DOCK1: variants seen among roughly 807,000 people sequenced by gnomAD.
DOCK1 encodes dedicator of cytokinesis protein 1.
A neutral mutation model predicts 262.7 loss-of-function variants in DOCK1; 138 were observed. That is an observed-to-expected ratio of 0.53 (90% CI 0.46 to 0.61). The LOEUF (loss-of-function observed/expected upper bound fraction) is 0.61, where lower values mean the gene tolerates loss of function less well. Among genes scored for constraint, DOCK1 ranks in the 20% least tolerant of loss-of-function variants. DOCK1 has a pLI of 0.00. For missense variants in DOCK1, 1,908 were observed against 2,370.7 expected (o/e 0.80, Z 4.05); for synonymous variants, 866 against 867.4 (o/e 1.00, Z 0.03).
chr10:127,135,019 A>G (rs12259111), intron 27 of DOCK1, among the ~76,000 whole-genome samples: 1,639 of 152,300 alleles, frequency 0.011, 10 homozygotes, highest in African/African-American at 0.016. Context: ...GATGTGCTCA[A>G]TGGAAGATCT....
chr10:127,337,492 A>G (rs957217471), intron 29 of DOCK1, among the ~76,000 whole-genome samples: 1 of 152,114 alleles, frequency 6.6e-6, no homozygotes, highest in Middle Eastern at 3.4e-3. Context: ...TTTTTTTCTA[A>G]TCAATTACAG....
intron 27 of DOCK1, among the ~76,000 whole-genome samples, chr10:127,161,816 G>A (rs2053615708): frequency 6.6e-6 from 1 of 152,206 alleles, no homozygotes; most frequent in African/African-American, 2.4e-5. Context: ...GAGATGGCAA[G>A]AAAGATCTGT....
At chr10:127,004,769 G>GCCCCCCCCCC (rs1285670669) in intron 10 of DOCK1, among the ~76,000 whole-genome samples, 1 of 14,274 alleles carries the variant, frequency 7.0e-5, no homozygotes, top group Non-Finnish European at 1.4e-4. Flanking sequence ...CCCCTGCCCC[G>GCCCCCCCCCC]CCACCCCCCC....
chr10:127,069,490 A>G (rs1157434564), intron 23 of DOCK1, among the ~76,000 whole-genome samples: 1 of 152,202 alleles, frequency 6.6e-6, no homozygotes, highest in Non-Finnish European at 1.5e-5. Context: ...CCCAAGAGCA[A>G]GTAATAAAAT....
intron 18 of DOCK1, among the ~76,000 whole-genome samples, chr10:127,034,498 T>C (rs1391095118): frequency 1.3e-5 from 2 of 152,100 alleles, no homozygotes; most frequent in Non-Finnish European, 2.9e-5. Flanking sequence ...AACCATATCA[T>C]GTGGTCAGCA....
At chr10:127,348,796 A>G (rs1276413473) in intron 31 of DOCK1, among the ~76,000 whole-genome samples, 1 of 152,188 alleles carries the variant, frequency 6.6e-6, no homozygotes, top group Non-Finnish European at 1.5e-5. Context: ...TCTAGATACT[A>G]CCTTTAAGGA....
intron 33 of DOCK1, among the ~76,000 whole-genome samples, chr10:127,362,990 C>CCCACACACACACGCACAT (rs2064653742): frequency 4.8e-5 from 3 of 62,048 alleles, no homozygotes; most frequent in Admixed American, 1.8e-4. Context: ...TACACATCCC[C>CCCACACACACACGCACAT]CCCCACACAC....
At chr10:127,188,663 G>C (rs535108677) in intron 27 of DOCK1, among the ~76,000 whole-genome samples, 132 of 152,308 alleles carry the variant, frequency 8.7e-4, no homozygotes, top group African/African-American at 3.0e-3. Flanking sequence ...GCTTGGATTT[G>C]AGTTCTGGCC....
intron 21 of DOCK1, among the ~76,000 whole-genome samples, chr10:127,050,048 T>C (rs1344286586): frequency 6.7e-6 from 1 of 148,742 alleles, no homozygotes; most frequent in East Asian, 2.0e-4. Flanking sequence ...CAGTATTTCA[T>C]TGTAGGGATG....
At chr10:127,422,284 G>A (rs1446604252) in intron 46 of DOCK1, among the ~76,000 whole-genome samples, 3 of 141,058 alleles carry the variant, frequency 2.1e-5, no homozygotes, top group Admixed American at 7.5e-5. Flanking sequence ...CTCCTGCCTC[G>A]GCCTCCCGAG....
intron 1 of DOCK1, among the ~76,000 whole-genome samples, chr10:126,923,703 T>C (rs2033426303): frequency 6.6e-6 from 1 of 152,230 alleles, no homozygotes. Flanking sequence ...ATTCTCGGCA[T>C]CTCTCTCCAT....
intron 49 of DOCK1, among the ~76,000 whole-genome samples, chr10:127,441,199 G>C (rs1413521336): frequency 2.6e-5 from 4 of 152,226 alleles, no homozygotes; most frequent in Admixed American, 2.6e-4. Flanking sequence ...AAGCACACAC[G>C]TGACAGGCAC....
intron 1 of DOCK1, among the ~76,000 whole-genome samples, chr10:126,912,727 G>GA (rs66679297): frequency 3.0e-4 from 38 of 126,128 alleles, no homozygotes; most frequent in African/African-American, 9.7e-4. Context: ...CTCCATCTCG[G>GA]AAAAAAAAAA....
intron 11 of DOCK1, among the ~76,000 whole-genome samples, chr10:127,010,795 TTC>T (rs1273146891): frequency 6.6e-6 from 1 of 152,230 alleles, no homozygotes; most frequent in Non-Finnish European, 1.5e-5. Flanking sequence ...AATTGCCTCA[TTC>T]TCTCATGAGA....
At position 127,116,982 on chromosome 10, in the gene DOCK1, CT is replaced by C. The variant is rs2049223917; in HGVS notation, c.2623+6629del. Reference sequence around the variant, plus strand: ...TTCATGCCTTGAGAAAACTTTTTATCTGTAATACTGCACCTTTTTCATCCCT... The same window carrying C: ...TTCATGCCTTGAGAAAACTTTTTATCGTAATACTGCACCTTTTTCATCCCT... On this transcript the variant is annotated intron_variant, in intron 25 of 51. Transcript: ENST00000623213. Among the ~76,000 whole-genome samples, 3 of 152,150 alleles carry C rather than the reference CT, an allele frequency of 2.0e-5. No individual in the cohort carries two copies. In the South Asian group the frequency reaches 6.2e-4, roughly 32 times the overall value.
intron 29 of DOCK1, among the ~76,000 whole-genome samples, chr10:127,319,281 C>T (rs940828657): frequency 6.6e-6 from 1 of 152,072 alleles, no homozygotes; most frequent in Non-Finnish European, 1.5e-5. Context: ...AAATAATTTC[C>T]GTAGCAGGGG....
intron 11 of DOCK1, among the ~76,000 whole-genome samples, chr10:127,010,440 C>T (rs1565059940): frequency 6.6e-6 from 1 of 152,234 alleles, no homozygotes; most frequent in Non-Finnish European, 1.5e-5. Flanking sequence ...GCACTCCAGC[C>T]TGGGCGACAG....
chr10:127,253,238 A>G (rs61872151), intron 28 of DOCK1, among the ~76,000 whole-genome samples: 50,661 of 151,992 alleles, frequency 0.33, 9,707 homozygotes, highest in South Asian at 0.57. Context: ...GTAGTTAGCT[A>G]GAAGGGAACA....
intron 27 of DOCK1, among the ~76,000 whole-genome samples, chr10:127,195,755 C>T (rs1249382944): frequency 1.3e-5 from 2 of 152,150 alleles, no homozygotes; most frequent in Non-Finnish European, 2.9e-5. Context: ...CGCCCCTCAG[C>T]GACCCGGTCG....
Sources: allele counts gnomAD v4.1 joint callset (sites outside exome capture counted in the v4.1 genomes callset), GRCh38; gene constraint gnomAD v4.1.1; transcripts MANE v1.5; gene names NCBI Gene and HGNC (gene_info 2026-07-23, HGNC 2026-07-21).